EYS: variants seen among roughly 807,000 people sequenced by gnomAD.
EYS encodes the protein protein eyes shut homolog.
A neutral mutation model predicts 282.1 loss-of-function variants in EYS; 250 were observed. The observed-to-expected ratio is 0.89, with a 90% CI of 0.80 to 0.98. The LOEUF (loss-of-function observed/expected upper bound fraction) is 0.98, where lower values mean the gene tolerates loss of function less well. Ranked by LOEUF, EYS falls within the 50% of genes least tolerant of loss-of-function variation. The pLI, the probability that EYS is intolerant of heterozygous loss-of-function variation, is 0.00. For missense variants in EYS, 4,016 were observed against 3,709.0 expected (o/e 1.08, Z -2.15); for synonymous variants, 1,355 against 1,282.9 (o/e 1.06, Z -1.20).
intron 5 of EYS, among the ~76,000 whole-genome samples, chr6:65,463,246 C>T (rs187037012): frequency 2.0e-5 from 3 of 152,266 alleles, no homozygotes; most frequent in Non-Finnish European, 2.9e-5. Flanking sequence ...ACCCCTGACA[C>T]ACTCCTGGTT....
At chr6:64,049,620 T>G (rs1026617448) in intron 33 of EYS, among the ~76,000 whole-genome samples, 4 of 152,160 alleles carry the variant, frequency 2.6e-5, no homozygotes, top group Non-Finnish European at 4.4e-5. Context: ...GGGTGTGTTT[T>G]ACAGACTTTT....
chr6:63,964,459 A>T (rs1582042811), intron 35 of EYS, among the ~76,000 whole-genome samples: 1 of 152,230 alleles, frequency 6.6e-6, no homozygotes, highest in Non-Finnish European at 1.5e-5. Flanking sequence ...TAAAAGAAAC[A>T]AAAAACAACC....
intron 13 of EYS, among the ~76,000 whole-genome samples, chr6:65,000,496 G>C (rs2150127221): frequency 6.6e-6 from 1 of 152,326 alleles, no homozygotes; most frequent in Non-Finnish European, 1.5e-5. Context: ...CAGCAGGCCA[G>C]GCAGGTGGCT....
intron 37 of EYS, among the ~76,000 whole-genome samples, chr6:63,790,330 C>T (rs1770478057): frequency 2.0e-5 from 3 of 152,134 alleles, no homozygotes; most frequent in Admixed American, 2.0e-4. Flanking sequence ...GAGAGGTGGG[C>T]TTCCTGAGGC....
At chr6:64,207,650 A>G (rs1765649366) in intron 31 of EYS, among the ~76,000 whole-genome samples, 1 of 149,366 alleles carries the variant, frequency 6.7e-6, no homozygotes, top group Admixed American at 6.8e-5. Flanking sequence ...GGTTTTCTTC[A>G]TATGTGAGGT....
intron 39 of EYS, among the ~76,000 whole-genome samples, chr6:63,778,542 A>G (rs1007133696): frequency 1.3e-5 from 2 of 152,310 alleles, no homozygotes; most frequent in Admixed American, 1.3e-4. Context: ...TTGTAGCATT[A>G]ACTATTTTTA....
intron 33 of EYS, among the ~76,000 whole-genome samples, chr6:64,040,104 AAAACGTTT>A (rs1562169000): frequency 6.6e-6 from 1 of 152,210 alleles, no homozygotes; most frequent in African/African-American, 2.4e-5. Flanking sequence ...TAGAACTGAA[AAAACGTTT>A]TCAGTTCTTT....
At chr6:65,138,754 C>A (rs894249222) in intron 12 of EYS, among the ~76,000 whole-genome samples, 6 of 152,004 alleles carry the variant, frequency 3.9e-5, no homozygotes, top group Non-Finnish European at 8.8e-5. Context: ...TGTTGCAAGA[C>A]AGAAAACGTT....
intron 5 of EYS, among the ~76,000 whole-genome samples, chr6:65,432,806 T>A (rs777260442): frequency 1.3e-4 from 20 of 152,012 alleles, no homozygotes; most frequent in African/African-American, 9.7e-5. Context: ...ATGGCAGCAA[T>A]GAAATGGGTG....
At chr6:64,950,993 G>A (rs1769485560) in intron 14 of EYS, among the ~76,000 whole-genome samples, 1 of 151,198 alleles carries the variant, frequency 6.6e-6, no homozygotes, top group Non-Finnish European at 1.5e-5. Flanking sequence ...TAAGCAGAAA[G>A]TAGTAGCTGG....
At chr6:65,310,636 C>G (rs1413903653) in intron 11 of EYS, among the ~76,000 whole-genome samples, 1 of 152,108 alleles carries the variant, frequency 6.6e-6, no homozygotes, top group Admixed American at 6.5e-5. Flanking sequence ...CTTTCCACAC[C>G]CTTCTCATTC....
chr6:64,821,273 C>G (rs1422358691), intron 21 of EYS, among the ~76,000 whole-genome samples: 1 of 151,878 alleles, frequency 6.6e-6, no homozygotes, highest in African/African-American at 2.4e-5. Flanking sequence ...CTATGTCATC[C>G]CTACAGATCC....
At chr6:64,624,659 A>G (rs1451433842) in intron 23 of EYS, among the ~76,000 whole-genome samples, 2 of 152,204 alleles carry the variant, frequency 1.3e-5, no homozygotes, top group African/African-American at 4.8e-5. Context: ...AAAACAGAGT[A>G]GGTCTCTGAG....
At chr6:65,553,575 T>C (rs145231078) in intron 2 of EYS, among the ~76,000 whole-genome samples, 239 of 152,306 alleles carry the variant, frequency 1.6e-3, no homozygotes, top group Middle Eastern at 0.01. Flanking sequence ...ATGAGACTTT[T>C]GTTATTGTTA....
intron 8 of EYS, among the ~76,000 whole-genome samples, chr6:65,365,404 A>G (rs2150337291): frequency 1.3e-5 from 2 of 151,544 alleles, no homozygotes; most frequent in South Asian, 2.1e-4. Flanking sequence ...TAACCTGTGG[A>G]TCTCTGTCTC....
rs148156374 is a variant in EYS, at chr6:64,893,518, A to G, written c.2847-6676T>C. On this transcript the variant is annotated intron_variant, in intron 18 of 42. Coordinates refer to ENST00000503581, the MANE Select transcript of EYS (RefSeq NM_001142800.2). ...AAATATTTTTAGTGAGTACTTTATC[A>G]ATAGGTTAAGTTTTTCAAAAAAATA... Among the ~76,000 whole-genome samples the G allele has an allele frequency of 9.8e-3, 1,484 of 152,130 alleles. 12 individuals carry two copies. Among genetic ancestry groups the G allele is most frequent in the Non-Finnish European group, 0.014 (930 of 67,912 alleles).
At chr6:65,531,794 A>G (rs947078237) in intron 2 of EYS, among the ~76,000 whole-genome samples, 4 of 152,152 alleles carry the variant, frequency 2.6e-5, no homozygotes, top group Non-Finnish European at 5.9e-5. Flanking sequence ...AATAGATTTG[A>G]GCTATCTAAT....
At chr6:64,149,930 A>G (rs1373757149) in intron 31 of EYS, among the ~76,000 whole-genome samples, 1 of 152,210 alleles carries the variant, frequency 6.6e-6, no homozygotes, top group Non-Finnish European at 1.5e-5. Flanking sequence ...TATTGTGAAT[A>G]TCAGAAGGAG....
rs1285507667 is a variant in EYS, at chr6:63,788,386, A to G, written c.7579-137T>C. On this transcript the variant is annotated intron_variant, in intron 38 of 42. Coordinates refer to ENST00000503581, the MANE Select transcript of EYS (RefSeq NM_001142800.2). ...CTGAATTTTGAAGAAATAACATGAT[A>G]CCACTCAATTCTCTGCTTCTCTGCT... is the stretch of plus-strand genomic sequence containing the variant. The G allele has an allele frequency of 1.9e-5, 12 of 648,148 alleles. No homozygotes were observed. The Admixed American group carries it at 3.7e-4, about 20-fold the overall frequency. 40.1% of individuals were successfully genotyped at this position (648,148 alleles called of 1,614,324 possible). A position where few individuals can be genotyped will look rare whatever the true frequency, so the allele number is the denominator to read the frequency against.
Sources: allele counts gnomAD v4.1 joint callset (sites outside exome capture counted in the v4.1 genomes callset), GRCh38; gene constraint gnomAD v4.1.1; transcripts MANE v1.5; gene names NCBI Gene and HGNC (gene_info 2026-07-23, HGNC 2026-07-21).